Variants in ATCAY observed in about 807,000 individuals in gnomAD.
The protein encoded by ATCAY is caytaxin.
In ATCAY, 22 loss-of-function variants were observed where a neutral mutation model predicts 47.7. The ratio of observed to expected loss-of-function variants is 0.46; its 90% CI spans 0.33 to 0.66. The LOEUF is 0.66. ATCAY is among the 30% of genes least tolerant of loss of function. The probability of loss-of-function intolerance (pLI) is 0.02; values close to 1 mark genes in which losing one functional copy is unlikely to be tolerated. For missense variants in ATCAY, 452 were observed against 515.0 expected (o/e 0.88, Z 1.18); for synonymous variants, 216 against 207.6 (o/e 1.04, Z -0.35).
intron 1 of ATCAY, 105 bp from the exon 2 acceptor site, chr19:3,885,621 AG>A (rs1263240196): frequency 4.5e-6 from 2 of 446,426 alleles, no homozygotes; most frequent in African/African-American, 6.3e-5. Context: ...GGGAAGGGGG[AG>A]GGGGAGACGG....
chr19:3,910,762 G>A lies in ATCAY; in HGVS notation c.780-41G>A, dbSNP rs373667210. On this transcript the variant is annotated intron_variant, in intron 7 of 12. Transcript: ENST00000450849. ...CCCAGCTCCTCCCTCCCCAGGGCTCGCCCCAGGAGCCCATCTTGCTTCCTT... is the reference window on the plus strand; with the variant it reads ...CCCAGCTCCTCCCTCCCCAGGGCTCACCCCAGGAGCCCATCTTGCTTCCTT... The A allele has an allele frequency of 5.5e-5, 89 of 1,605,040 alleles. No homozygotes were observed. The African/African-American group carries it at 6.8e-4, about 12-fold the overall frequency.
chr19:3,910,232 CT>C (rs1361357828), intron 7 of ATCAY, among the ~76,000 whole-genome samples: 2 of 152,182 alleles, frequency 1.3e-5, no homozygotes, highest in Non-Finnish European at 1.5e-5. Flanking sequence ...GCTTTCCTCA[CT>C]GAGTGTGATG....
At chr19:3,922,174 C>T (rs1046215007) in intron 12 of ATCAY, 4 of 702,154 alleles carry the variant, frequency 5.7e-6, no homozygotes. Flanking sequence ...AGCCCCTGCA[C>T]AGATCAAGCT....
At chr19:3,902,363 T>C in intron 2 of ATCAY, 124 bp from the exon 3 acceptor site, 1 of 845,096 alleles carries the variant, frequency 1.2e-6, no homozygotes, top group South Asian at 1.4e-5. Context: ...TCTCCAGAAC[T>C]AAATGTGTTT....
chr19:3,883,955 GCCCTGC>G (rs575179564), intron 1 of ATCAY, among the ~76,000 whole-genome samples: 4 of 151,892 alleles, frequency 2.6e-5, no homozygotes, highest in East Asian at 1.9e-4. Context: ...GCTCCCCCCT[GCCCTGC>G]CCCTGCCCCT....
Position 3,908,286 on chromosome 19 carries a change from T to C in ATCAY, c.563T>C (p.Leu188Pro), listed in dbSNP as rs1483425266. 2 of 1,580,796 alleles carry C rather than the reference T, an allele frequency of 1.3e-6. No individual in the cohort carries two copies. Among genetic ancestry groups the C allele is most frequent in the African/African-American group, 2.7e-5 (2 of 74,244 alleles). ...TCCTCAGGGTACTACGGCGAAGGCC[T>C]CAACGCCATCATCGTCTTCGCAGCC... is the stretch of plus-strand genomic sequence containing the variant. ...VTHGGYYGEG[L>P]NAIIVFAACF... The change falls in exon 6 of 13, where the codon CTC becomes CCC. Residue 188 changes from leucine (L) to proline (P), a missense_variant. By Grantham distance (98) the Leu-to-Pro change is moderately conservative (BLOSUM62 -3). Transcript: ENST00000450849.
Position 3,917,683 on chromosome 19 carries a change from C to A in ATCAY, c.966-59C>A. 3 of 1,600,274 alleles carry A rather than the reference C, an allele frequency of 1.9e-6. No homozygotes were observed. In the South Asian group the frequency reaches 3.3e-5, roughly 18 times the overall value. On this transcript the variant is annotated intron_variant, in intron 9 of 12. Coordinates refer to ENST00000450849, the MANE Select transcript of ATCAY (RefSeq NM_033064.5). ...TGCTTGAAAAGGAAAGGGATTTCCC[C>A]AAAAAGTATATCTCAGGGGAAAGGA... is the stretch of plus-strand genomic sequence containing the variant.
At chr19:3,889,620 T>G (rs746637550) in intron 2 of ATCAY, among the ~76,000 whole-genome samples, 3 of 151,920 alleles carry the variant, frequency 2.0e-5, no homozygotes, top group Non-Finnish European at 2.9e-5. Context: ...AATTTTAAAA[T>G]AATGTCATTT....
At chr19:3,902,611 G>A in intron 3 of ATCAY, 66 bp downstream of exon 3, 1 of 1,507,164 alleles carries the variant, frequency 6.6e-7, no homozygotes, top group Non-Finnish European at 9.0e-7. Context: ...GCCCTGCCTG[G>A]GGCTGTAACT....
At chr19:3,897,473 T>A (rs1429364939) in intron 2 of ATCAY, among the ~76,000 whole-genome samples, 1 of 151,534 alleles carries the variant, frequency 6.6e-6, no homozygotes, top group African/African-American at 2.4e-5. Flanking sequence ...CTTTTTATTT[T>A]TTATAGAGAT....
At chr19:3,903,268 C>T (rs1568447800) in intron 3 of ATCAY, among the ~76,000 whole-genome samples, 1 of 151,906 alleles carries the variant, frequency 6.6e-6, no homozygotes, top group Non-Finnish European at 1.5e-5. Flanking sequence ...GCCACCACGC[C>T]TGGCATGTTT....
intron 2 of ATCAY, among the ~76,000 whole-genome samples, chr19:3,889,098 C>G (rs1002434122): frequency 6.6e-6 from 1 of 152,026 alleles, no homozygotes; most frequent in Non-Finnish European, 1.5e-5. Flanking sequence ...AGCAAGACCT[C>G]GTCTCTTAAA....
rs1191977692 is a variant in ATCAY at position 3,913,665 on chromosome 19, G to GCTCC, written c.867-93_867-92insCTCC. The GCTCC allele has an allele frequency of 2.2e-5, 20 of 914,108 alleles. No individual in the cohort carries two copies. In the African/African-American group the frequency reaches 2.8e-4, roughly 13 times the overall value. The allele number at this position is 914,108 out of a possible 1,614,324, so 56.6% of individuals were successfully genotyped here. On this transcript the variant is annotated intron_variant, in intron 8 of 12. Transcript: ENST00000450849. ...GGGGCATCCTGGAGTGGGGTCCTGT[G>GCTCC]GGGATCCCTGTCGCCATGGCTCTGT...
At chr19:3,888,278 A>G (rs977530832) in intron 2 of ATCAY, among the ~76,000 whole-genome samples, 2 of 152,030 alleles carry the variant, frequency 1.3e-5, no homozygotes, top group African/African-American at 4.8e-5. Context: ...TATAGAAACT[A>G]TTGGGTGAGG....
At chr19:3,888,019 G>T (rs2145222888) in intron 2 of ATCAY, among the ~76,000 whole-genome samples, 1 of 151,862 alleles carries the variant, frequency 6.6e-6, no homozygotes, top group East Asian at 2.0e-4. Context: ...GGAGGCTGAG[G>T]CAGGAGAATC....
At chr19:3,914,037 C>T (rs536814480) in intron 9 of ATCAY, among the ~76,000 whole-genome samples, 181 bp downstream of exon 9, 2 of 151,650 alleles carry the variant, frequency 1.3e-5, no homozygotes, top group South Asian at 4.2e-4. Context: ...GGGATCGAGA[C>T]CATCCTGGCT....
intron 9 of ATCAY, among the ~76,000 whole-genome samples, chr19:3,914,328 G>C (rs1472972642): frequency 6.6e-6 from 1 of 151,140 alleles, no homozygotes; most frequent in Non-Finnish European, 1.5e-5. Context: ...CGTCTCCCAT[G>C]GCGGCAGAGA....
At position 3,908,975 on chromosome 19, in the gene ATCAY, G is replaced by A. The variant is rs180818373; in HGVS notation, c.648-511G>A. 1.3e-3 allele frequency among the ~76,000 whole-genome samples: 81 copies of A among 61,884 alleles called. 1 individual carries two copies. Among genetic ancestry groups the A allele is most frequent in the African/African-American group, 5.7e-3 (76 of 13,402 alleles). 40.6% of individuals were successfully genotyped at this position (61,884 alleles called of 152,430 possible). On this transcript the variant is annotated intron_variant, in intron 6 of 12. Coordinates refer to ENST00000450849, the MANE Select transcript of ATCAY (RefSeq NM_033064.5). The stretch of plus-strand genomic sequence containing the variant: ...TCTGAGATGGCACCACTGCACTCCA[G>A]CCTGGGTGACAGAGTGAGAACCTGT...
chr19:3,911,804 A>C (rs1000502926), intron 8 of ATCAY, among the ~76,000 whole-genome samples: 1 of 152,190 alleles, frequency 6.6e-6, no homozygotes, highest in Non-Finnish European at 1.5e-5. Flanking sequence ...GGGATGAGCG[A>C]AAGAGACGAG....
Sources: gnomAD v4.1 joint callset for allele counts (sites outside exome capture counted in the v4.1 genomes callset) on GRCh38, gnomAD v4.1.1 for gene constraint, MANE v1.5 for transcripts, NCBI Gene and HGNC (gene_info 2026-07-23, HGNC 2026-07-21) for gene names.